Variants in DNAH11 observed in about 807,000 individuals in gnomAD.
DNAH11 encodes axonemal beta dynein heavy chain 11.
DNAH11 carries 442 observed loss-of-function variants against 526.0 expected under a neutral mutation model. That is an observed-to-expected ratio of 0.84 (90% CI 0.78 to 0.91). DNAH11 has a LOEUF of 0.91. Among genes scored for constraint, DNAH11 ranks in the 40% least tolerant of loss-of-function variants. DNAH11 has a pLI of 0.00. For missense variants in DNAH11, 6,989 were observed against 5,448.7 expected (o/e 1.28, Z -8.90); for synonymous variants, 2,461 against 1,935.9 (o/e 1.27, Z -7.12).
rs566908858 is a variant in DNAH11, at chr7:21,585,232, A to G, written c.1711-2832A>G. On this transcript the variant is annotated intron_variant, in intron 9 of 81. Coordinates refer to ENST00000409508, the MANE Select transcript of DNAH11 (RefSeq NM_001277115.2). ...TAGATTGCCTTCCATGGTGACTTGT[A>G]CAAAGTGGCGTTTAATAAGTACTTG... is the stretch of plus-strand genomic sequence containing the variant. Among the ~76,000 whole-genome samples the G allele has an allele frequency of 1.3e-4, 20 of 151,116 alleles. No homozygotes were observed. The East Asian group carries it at 3.5e-3, about 27-fold the overall frequency.
chr7:21,740,113 T>G (rs147106770), intron 48 of DNAH11, among the ~76,000 whole-genome samples: 6 of 152,286 alleles, frequency 3.9e-5, no homozygotes, highest in Admixed American at 3.9e-4. Context: ...TATAGAATAG[T>G]GTCACTGCCC....
chr7:21,825,959 C>CAAAAAA (rs56255077), intron 65 of DNAH11, among the ~76,000 whole-genome samples: 170 of 68,290 alleles, frequency 2.5e-3, no homozygotes, highest in African/African-American at 8.3e-3. Context: ...ACTCTGTCTC[C>CAAAAAA]AAAAAAAAAA....
chr7:21,873,783 G>GGTTT (rs1783589697), intron 74 of DNAH11, among the ~76,000 whole-genome samples: 2 of 29,952 alleles, frequency 6.7e-5, no homozygotes, highest in Non-Finnish European at 1.4e-4. Context: ...TGAGGAGGTT[G>GGTTT]CTTTTTTTTT....
chr7:21,571,304 A>AG (rs1783879018), intron 7 of DNAH11, among the ~76,000 whole-genome samples: 1 of 152,186 alleles, frequency 6.6e-6, no homozygotes, highest in Admixed American at 6.5e-5. Context: ...TTTTAGAGAC[A>AG]GGGTCTCATT....
At chr7:21,643,485 A>G (rs12700288) in intron 28 of DNAH11, among the ~76,000 whole-genome samples, 90,206 of 151,880 alleles carry the variant, frequency 0.59, 27,451 homozygotes, top group Non-Finnish European at 0.68. Flanking sequence ...AGAAAGACTC[A>G]CTGTCAACGT....
intron 30 of DNAH11, among the ~76,000 whole-genome samples, chr7:21,675,659 G>A (rs373055675): frequency 3.3e-5 from 5 of 152,232 alleles, no homozygotes; most frequent in East Asian, 1.9e-4. Flanking sequence ...TGTTGCTGTC[G>A]TTCGTTTGTT....
At position 21,749,393 on chromosome 7, in the gene DNAH11, C is replaced by G. The variant is rs138741913; in HGVS notation, c.8674-285C>G. On this transcript the variant is annotated intron_variant, in intron 52 of 81. Coordinates refer to ENST00000409508, the MANE Select transcript of DNAH11 (RefSeq NM_001277115.2). ...CCTGAAAAAGGCGTCGCTGAATTCACTTGTACACAGTGAGAAGGGAGTTGG... is the reference window on the plus strand; with the variant it reads ...CCTGAAAAAGGCGTCGCTGAATTCAGTTGTACACAGTGAGAAGGGAGTTGG... Among the ~76,000 whole-genome samples, 1,319 of 152,276 alleles carry G rather than the reference C, an allele frequency of 8.7e-3. 14 individuals carry two copies. The highest frequency in any genetic ancestry group is 0.014 in the Non-Finnish European group (932 of 68,012).
chr7:21,762,730 T>C (rs1786976707), intron 54 of DNAH11, among the ~76,000 whole-genome samples: 1 of 152,208 alleles, frequency 6.6e-6, no homozygotes, highest in Non-Finnish European at 1.5e-5. Flanking sequence ...TTGGACCTTG[T>C]CTTACAACCT....
chr7:21,768,008 C>G (rs1787253358), intron 55 of DNAH11, among the ~76,000 whole-genome samples: 1 of 152,136 alleles, frequency 6.6e-6, no homozygotes, highest in African/African-American at 2.4e-5. Context: ...TCAGTACACA[C>G]TCAGCACCCA....
At chr7:21,576,438 A>T (rs1337762332) in intron 8 of DNAH11, among the ~76,000 whole-genome samples, 1 of 152,204 alleles carries the variant, frequency 6.6e-6, no homozygotes, top group Non-Finnish European at 1.5e-5. Context: ...GAGATCCCAG[A>T]AGATCTTAAT....
intron 8 of DNAH11, among the ~76,000 whole-genome samples, chr7:21,577,445 C>T (rs953832030): frequency 3.3e-5 from 5 of 152,170 alleles, no homozygotes; most frequent in Admixed American, 1.3e-4. Flanking sequence ...GAACTTCATT[C>T]TCTGTGGTGT....
At chr7:21,698,430 A>C (rs1173131605) in intron 36 of DNAH11, among the ~76,000 whole-genome samples, 1 of 152,120 alleles carries the variant, frequency 6.6e-6, no homozygotes, top group Admixed American at 6.6e-5. Flanking sequence ...TGAGGAGTGT[A>C]CACAGTACCC....
In DNAH11 at chr7:21,600,466, C is replaced by G. The variant is rs368935759; in HGVS notation, c.3001-210C>G. Reference sequence around the variant, plus strand: ...AAACCCTGTCTCAAAAAAACAAAAACAAAACACAAAAAACCACCAGAAAAC... The same window carrying G: ...AAACCCTGTCTCAAAAAAACAAAAAGAAAACACAAAAAACCACCAGAAAAC... On this transcript the variant is annotated intron_variant, in intron 15 of 81. Transcript: ENST00000409508. Among the ~76,000 whole-genome samples the G allele has an allele frequency of 1.7e-3, 251 of 151,664 alleles. 1 individual carries two copies. Among genetic ancestry groups the G allele is most frequent in the African/African-American group, 5.7e-3 (235 of 41,308 alleles).
chr7:21,782,745 C>T (rs561932810), intron 57 of DNAH11, among the ~76,000 whole-genome samples: 3 of 151,874 alleles, frequency 2.0e-5, no homozygotes, highest in Non-Finnish European at 4.4e-5. Flanking sequence ...AGCCCCTGTA[C>T]TAAAAATATA....
At chr7:21,584,142 A>G (rs1434322046) in intron 9 of DNAH11, among the ~76,000 whole-genome samples, 2 of 152,236 alleles carry the variant, frequency 1.3e-5, no homozygotes. Flanking sequence ...TGTTTATTGC[A>G]GCACTGTTCA....
chr7:21,625,453 A>G (rs1049005188), intron 25 of DNAH11, among the ~76,000 whole-genome samples: 1 of 152,112 alleles, frequency 6.6e-6, no homozygotes, highest in Admixed American at 6.6e-5. Context: ...CAAAAAACCA[A>G]TTCTTCATTC....
In DNAH11 at chr7:21,702,821, G is replaced by C; in HGVS notation, c.6273+19G>C. 6.2e-7 allele frequency: 1 copy of C among 1,603,500 alleles called. No homozygotes were observed. Among genetic ancestry groups the C allele is most frequent in the Non-Finnish European group, 8.5e-7 (1 of 1,172,310 alleles). The stretch of plus-strand genomic sequence containing the variant: ...AGATCAGGTACTGCAATGCTAATAT[G>C]ATTTTGTTGAGTGAGTAGCTGGCCT... On this transcript the variant is annotated intron_variant, in intron 37 of 81. Transcript: ENST00000409508.
chr7:21,762,988 A>C (rs2390552), intron 54 of DNAH11, among the ~76,000 whole-genome samples: 132,879 of 151,782 alleles, frequency 0.88, 58,569 homozygotes, highest in Non-Finnish European at 0.92. Context: ...GGAATTAATT[A>C]ATTCACATTT....
intron 5 of DNAH11, among the ~76,000 whole-genome samples, chr7:21,562,095 T>C (rs1323875504): frequency 6.6e-6 from 1 of 152,214 alleles, no homozygotes; most frequent in Non-Finnish European, 1.5e-5. Flanking sequence ...ATTTTAAATT[T>C]GCTAAGCCTC....
Sources: gnomAD v4.1 joint callset for allele counts (sites outside exome capture counted in the v4.1 genomes callset) on GRCh38, gnomAD v4.1.1 for gene constraint, MANE v1.5 for transcripts, NCBI Gene and HGNC (gene_info 2026-07-23, HGNC 2026-07-21) for gene names.